Variants in STK32C observed in about 807,000 individuals in gnomAD.
STK32C encodes the protein serine/threonine kinase 32C.
In STK32C, 31 loss-of-function variants were observed where a neutral mutation model predicts 56.5. The observed-to-expected ratio is 0.55, with a 90% CI of 0.41 to 0.74. STK32C has a LOEUF of 0.74. STK32C is among the 30% of genes least tolerant of loss of function. STK32C has a pLI of 0.00. For synonymous variants in STK32C, 309 were observed against 289.4 expected, an observed-to-expected ratio of 1.07 and a Z score of -0.69; for missense variants, 544 against 676.9, an observed-to-expected ratio of 0.80 and a Z score of 2.18.
At chr10:132,281,142 A>C (rs1275467754) in intron 1 of STK32C, among the ~76,000 whole-genome samples, 2 of 152,008 alleles carry the variant, frequency 1.3e-5, no homozygotes, top group Non-Finnish European at 2.9e-5. Flanking sequence ...CAACAGAGCA[A>C]GACCTATCTT....
intron 2 of STK32C, among the ~76,000 whole-genome samples, chr10:132,243,320 C>G (rs1484385761): frequency 6.6e-6 from 1 of 152,226 alleles, no homozygotes; most frequent in Non-Finnish European, 1.5e-5. Context: ...ACCGCAGCCT[C>G]TGGAACCCCG....
intron 8 of STK32C, 119 bp from the exon 9 acceptor site, chr10:132,223,105 C>T: frequency 7.7e-7 from 1 of 1,306,820 alleles, no homozygotes; most frequent in Non-Finnish European, 1.0e-6. Context: ...GTTCAGAATT[C>T]AGGAACCTCA....
intron 1 of STK32C, among the ~76,000 whole-genome samples, chr10:132,325,724 CT>C (rs541031233): frequency 0.13 from 18,186 of 139,142 alleles, 1,276 homozygotes; most frequent in East Asian, 0.36. Flanking sequence ...TTTGGTATGT[CT>C]TTTTTTTTTT....
chr10:132,302,013 G>T (rs989256439), intron 1 of STK32C, among the ~76,000 whole-genome samples: 2 of 152,230 alleles, frequency 1.3e-5, no homozygotes, highest in African/African-American at 4.8e-5. Context: ...TGGAAATGTG[G>T]GCTCCTGGCC....
chr10:132,306,493 C>T (rs879731387), intron 1 of STK32C, among the ~76,000 whole-genome samples: 5 of 152,234 alleles, frequency 3.3e-5, no homozygotes, highest in Admixed American at 2.6e-4. Flanking sequence ...CCATGAATCC[C>T]CGGTGCCGTC....
intron 1 of STK32C, among the ~76,000 whole-genome samples, chr10:132,284,199 G>A (rs1049837589): frequency 3.3e-5 from 5 of 151,324 alleles, no homozygotes; most frequent in South Asian, 2.1e-4. Flanking sequence ...TGCAGGGTCC[G>A]CAGCGGCTTG....
At chr10:132,281,687 C>A (rs1037352001) in intron 1 of STK32C, among the ~76,000 whole-genome samples, 1 of 152,222 alleles carries the variant, frequency 6.6e-6, no homozygotes, top group South Asian at 2.1e-4. Flanking sequence ...CAGGGAGTAT[C>A]CCCCTGGGCC....
intron 1 of STK32C, among the ~76,000 whole-genome samples, chr10:132,295,743 G>A (rs1162999316): frequency 6.6e-6 from 1 of 152,206 alleles, no homozygotes; most frequent in Non-Finnish European, 1.5e-5. Context: ...AATTAGTTGG[G>A]TGTGGTGGCG....
rs1250915903 is a variant in STK32C at position 132,255,634 on chromosome 10, A to C, written c.263-9679T>G. On this transcript the variant is annotated intron_variant, in intron 1 of 11. Transcript: ENST00000298630. The surrounding 1 kb of genome is among the most constrained non-coding windows in gnomAD (Gnocchi z 4.6). ...AGGAGCAGGGGGCCCTGCAGGAAGC[A>C]GGTCCCTCAACCCTTGCTGAGCCCC... is the stretch of plus-strand genomic sequence containing the variant. 6.6e-6 allele frequency among the ~76,000 whole-genome samples: 1 copy of C among 152,172 alleles called. No homozygotes were observed. The highest frequency in any genetic ancestry group is 6.5e-5 in the Admixed American group (1 of 15,278).
At position 132,224,368 on chromosome 10, in the gene STK32C, G is replaced by A. The variant is rs766507175; in HGVS notation, c.993+39C>T. On this transcript the variant is annotated intron_variant, in intron 8 of 11. Coordinates refer to ENST00000298630, the MANE Select transcript of STK32C (RefSeq NM_173575.4). ...GCAGGTAAGTGAGGGAGGGAGGTGG[G>A]TGCTCGGAGGGTGAGGAGGCTCAGG... 27 of 1,455,166 alleles carry A rather than the reference G, an allele frequency of 1.9e-5. 1 individual carries two copies. The South Asian group carries it at 3.0e-4, about 16-fold the overall frequency. 90.1% of individuals were successfully genotyped at this position (1,455,166 alleles called of 1,614,324 possible).
chr10:132,224,247 G>T (rs1402588967), intron 8 of STK32C, among the ~76,000 whole-genome samples, 160 bp downstream of exon 8: 1 of 152,156 alleles, frequency 6.6e-6, no homozygotes, highest in Non-Finnish European at 1.5e-5. Context: ...GGGGCTTGGG[G>T]CTGCCATCTG....
chr10:132,331,500 C>A (rs1177828984), exon 1 of STK32C: 1 of 1,612,896 alleles, frequency 6.2e-7, no homozygotes, highest in Non-Finnish European at 8.5e-7. Flanking sequence ...AGAGGACGCT[C>A]TGAGTCTGCG....
In STK32C at chr10:132,225,631, G is replaced by T. The variant is rs780276302; in HGVS notation, c.683-15C>A. 1.2e-6 allele frequency: 2 copies of T among 1,609,110 alleles called. No homozygotes were observed. The highest frequency in any genetic ancestry group is 2.7e-5 in the African/African-American group (2 of 74,870). ...GTGTGCATGTCCTGTGCAGAGAGGG[G>T]TCAGGTGTGGCTGTCCCAGGACCAG... On this transcript the variant is annotated splice_polypyrimidine_tract_variant and intron_variant, in intron 5 of 11. Coordinates refer to ENST00000298630, the MANE Select transcript of STK32C (RefSeq NM_173575.4).
chr10:132,226,922 G>A lies in STK32C; in HGVS notation c.517C>T (p.Leu173=). The change falls in exon 4 of 12, where the codon CTA becomes TTA. Residue 173 remains leucine (L), a synonymous_variant. Transcript: ENST00000298630. ...EEDMFMVVDL[L]LGGDLRYHLQ... is the part of the protein sequence containing the mutation. ...TGGTAGCGCAGGTCCCCGCCCAGTA[G>A]CAGGTCCACGACCATGAACATGTCC... 6.2e-7 allele frequency: 1 copy of A among 1,613,450 alleles called. No individual in the cohort carries two copies. Among genetic ancestry groups the A allele is most frequent in the East Asian group, 2.2e-5 (1 of 44,882 alleles).
At chr10:132,271,507 C>A (rs991779331) in intron 1 of STK32C, among the ~76,000 whole-genome samples, 5 of 152,170 alleles carry the variant, frequency 3.3e-5, no homozygotes, top group Non-Finnish European at 7.3e-5. Flanking sequence ...CCTGGCCTCA[C>A]ACAGAAAGAT....
At chr10:132,283,898 T>C (rs774973973) in intron 1 of STK32C, among the ~76,000 whole-genome samples, 5 of 151,964 alleles carry the variant, frequency 3.3e-5, no homozygotes, top group Non-Finnish European at 7.4e-5. Flanking sequence ...CCCCGCCCCA[T>C]CCAAAGTCCA....
chr10:132,254,328 A>C (rs10870279), intron 1 of STK32C, among the ~76,000 whole-genome samples: 38,219 of 152,024 alleles, frequency 0.25, 4,916 homozygotes, highest in Non-Finnish European at 0.28. Context: ...AAAACAACAA[A>C]AAAAAATAGC....
chr10:132,329,008 T>C (rs2066569205), intron 1 of STK32C, among the ~76,000 whole-genome samples: 1 of 152,166 alleles, frequency 6.6e-6, no homozygotes, highest in Non-Finnish European at 1.5e-5. Context: ...AAGCCTAGAT[T>C]TCAAAACACA....
intron 1 of STK32C, among the ~76,000 whole-genome samples, chr10:132,270,918 C>T (rs952411065): frequency 7.3e-5 from 11 of 150,852 alleles, no homozygotes; most frequent in African/African-American, 2.7e-4. Flanking sequence ...ATGCAGCCCC[C>T]CTCCAGAGCA....
Sources: allele counts gnomAD v4.1 joint callset (sites outside exome capture counted in the v4.1 genomes callset), GRCh38; gene constraint gnomAD v4.1.1; non-coding constraint Gnocchi (gnomAD v3.1); transcripts MANE v1.5; gene names NCBI Gene and HGNC (gene_info 2026-07-23, HGNC 2026-07-21).